TOGARAM2: variants seen among roughly 807,000 people sequenced by gnomAD.
TOGARAM2 encodes TOG array regulator of axonemal microtubules 2, also known as TOG array regulator of axonemal microtubules protein 2.
TOGARAM2 carries 85 observed loss-of-function variants against 93.3 expected under a neutral mutation model. The ratio of observed to expected loss-of-function variants is 0.91; its 90% confidence interval spans 0.76 to 1.09. TOGARAM2 has a LOEUF of 1.09. TOGARAM2 is among the 50% of genes least tolerant of loss of function. The probability of loss-of-function intolerance (pLI) is 0.00; values close to 1 mark genes in which losing one functional copy is unlikely to be tolerated. For missense variants in TOGARAM2, 1,277 were observed against 1,334.5 expected (o/e 0.96, Z 0.67); for synonymous variants, 593 against 552.8 (o/e 1.07, Z -1.02).
chr2:28,982,147 G>A (rs1449627253), intron 1 of TOGARAM2, among the ~76,000 whole-genome samples: 1 of 152,248 alleles, frequency 6.6e-6, no homozygotes, highest in Admixed American at 6.5e-5. Context: ...CATGGAGACA[G>A]TCAGGAGGGC....
chr2:28,984,572 T>G (rs1672379440), intron 1 of TOGARAM2, among the ~76,000 whole-genome samples: 1 of 152,226 alleles, frequency 6.6e-6, no homozygotes. Flanking sequence ...GTCTACAGTT[T>G]GAAGATTCAA....
chr2:29,035,385 G>T, intron 16 of TOGARAM2, 79 bp from the exon 17 acceptor site: 1 of 1,212,750 alleles, frequency 8.2e-7, no homozygotes, highest in South Asian at 3.6e-5. Flanking sequence ...CTGCCTGTAG[G>T]AGGTGGCATG....
chr2:29,044,184 G>C (rs1190795588), intron 18 of TOGARAM2, among the ~76,000 whole-genome samples: 1 of 152,234 alleles, frequency 6.6e-6, no homozygotes, highest in African/African-American at 2.4e-5. Context: ...GTGGAGCTGG[G>C]ATTGGGGGCG....
At chr2:29,049,924 G>A (rs751281161) in intron 19 of TOGARAM2, 1 of 152,202 alleles carries the variant, frequency 6.6e-6, no homozygotes, top group Non-Finnish European at 1.5e-5. Context: ...GCTGACCAGA[G>A]GGTGGCCCAG....
At chr2:28,957,030 G>A (rs1175565320) in intron 1 of TOGARAM2, among the ~76,000 whole-genome samples, 1 of 151,928 alleles carries the variant, frequency 6.6e-6, no homozygotes, top group East Asian at 2.0e-4. Flanking sequence ...CTTGAATCCG[G>A]GAGGCGGAGG....
chr2:28,999,489 AC>A (rs1266194895), intron 4 of TOGARAM2, 21 bp downstream of exon 4: 1 of 1,551,024 alleles, frequency 6.4e-7, no homozygotes, highest in Non-Finnish European at 8.7e-7. Flanking sequence ...GCCCCTGCCC[AC>A]CCCTCACCCA....
chr2:28,974,088 CTT>C (rs1558394968), intron 1 of TOGARAM2, among the ~76,000 whole-genome samples: 3 of 145,894 alleles, frequency 2.1e-5, no homozygotes, highest in Non-Finnish European at 3.0e-5. Flanking sequence ...AAGACTTTCT[CTT>C]TGTCTTTAGT....
chr2:29,014,264 C>T, intron 7 of TOGARAM2, 131 bp from the exon 8 acceptor site: 1 of 1,115,474 alleles, frequency 9.0e-7, no homozygotes, highest in Non-Finnish European at 1.3e-6. Context: ...GTAAACCTAA[C>T]TCAGGTCTTG....
In TOGARAM2 at chr2:29,002,621, G is replaced by A; in HGVS notation, c.513G>A (p.Val171=). The change falls in exon 5 of 20, where the codon GTG becomes GTA. Residue 171 remains valine, a synonymous_variant. Transcript: ENST00000379558. ...PRATSQRLLR[V]PRPMPLIQSI... ...CCACCTCTCAGAGGCTGCTGAGGGT[G>A]CCCAGGCCGATGCCTCTCATCCAGA... is the stretch of plus-strand genomic sequence containing the variant. The A allele has an allele frequency of 6.2e-7, 1 of 1,613,932 alleles. No homozygotes were observed. The highest frequency in any genetic ancestry group is 8.5e-7 in the Non-Finnish European group (1 of 1,179,876).
chr2:28,963,592 G>A (rs1206847986), intron 1 of TOGARAM2, among the ~76,000 whole-genome samples: 1 of 152,154 alleles, frequency 6.6e-6, no homozygotes, highest in Non-Finnish European at 1.5e-5. Flanking sequence ...GCCCAGGCTG[G>A]TCTTGAACTA....
intron 2 of TOGARAM2, among the ~76,000 whole-genome samples, chr2:28,996,427 A>G (rs1672991898): frequency 1.3e-5 from 2 of 152,140 alleles, no homozygotes; most frequent in African/African-American, 2.4e-5. Context: ...GGTAACCACC[A>G]TTCTGTTCTC....
intron 2 of TOGARAM2, 74 bp downstream of exon 2, chr2:28,994,936 C>A: frequency 6.6e-7 from 1 of 1,518,774 alleles, no homozygotes; most frequent in Admixed American, 2.0e-5. Context: ...CTCCCAAGGG[C>A]CAGAAAAAGG....
intron 13 of TOGARAM2, 94 bp downstream of exon 13, chr2:29,024,468 C>CAGGG (rs1158484198): frequency 3.6e-5 from 21 of 586,054 alleles, no homozygotes; most frequent in African/African-American, 3.2e-4. Flanking sequence ...GGGAAGGGTG[C>CAGGG]AGGGAGGGAG....
At chr2:29,040,076 C>G (rs4665442) in intron 18 of TOGARAM2, among the ~76,000 whole-genome samples, 43,501 of 152,122 alleles carry the variant, frequency 0.29, 6,730 homozygotes, top group Admixed American at 0.38. Context: ...TAAATCATAT[C>G]AACATTATAA....
At chr2:28,962,078 A>G (rs1440019361) in intron 1 of TOGARAM2, among the ~76,000 whole-genome samples, 1 of 152,176 alleles carries the variant, frequency 6.6e-6, no homozygotes, top group Non-Finnish European at 1.5e-5. Flanking sequence ...AAAAATCATC[A>G]TTAAGGAAGA....
chr2:29,000,572 G>A (rs923058361), intron 4 of TOGARAM2, among the ~76,000 whole-genome samples: 5 of 152,108 alleles, frequency 3.3e-5, no homozygotes, highest in Non-Finnish European at 4.4e-5. Flanking sequence ...TCTTTTCAGC[G>A]GAATGAACTC....
chr2:28,976,412 T>C (rs1402400307), upstream of TOGARAM2, among the ~76,000 whole-genome samples: 1 of 151,886 alleles, frequency 6.6e-6, no homozygotes, highest in East Asian at 1.9e-4. Context: ...CATCAAATTC[T>C]TTTTTGCCAT....
rs1359267218 is a variant in TOGARAM2 at position 29,005,003 on chromosome 2, TGC to T, written c.830+1322_830+1323del. ...GTGTATGTGTGTGAGTGCATGTGTG[TGC>T]ATGTGTATGTGTGAGTGCATGTATG... On this transcript the variant is annotated intron_variant, in intron 6 of 19. Transcript: ENST00000379558. 2.5e-4 allele frequency among the ~76,000 whole-genome samples: 13 copies of T among 51,852 alleles called. 3 individuals carry two copies. The highest frequency in any genetic ancestry group is 6.6e-4 in the Non-Finnish European group (12 of 18,156). 34.0% of individuals were successfully genotyped at this position (51,852 alleles called of 152,430 possible).
At chr2:29,006,018 G>T (rs1307099252) in intron 6 of TOGARAM2, among the ~76,000 whole-genome samples, 1 of 112,444 alleles carries the variant, frequency 8.9e-6, no homozygotes, top group Non-Finnish European at 2.0e-5. Flanking sequence ...GCGTGTGTGT[G>T]TGAGACCATA....
Sources: gnomAD v4.1 joint callset for allele counts (sites outside exome capture counted in the v4.1 genomes callset) on GRCh38, gnomAD v4.1.1 for gene constraint, MANE v1.5 for transcripts, NCBI Gene and HGNC (gene_info 2026-07-23, HGNC 2026-07-21) for gene names.